OGFOD1: variants seen among roughly 807,000 people sequenced by gnomAD.
The protein encoded by OGFOD1 is prolyl 3-hydroxylase OGFOD1.
A neutral mutation model predicts 67.7 loss-of-function variants in OGFOD1; 54 were observed. The ratio of observed to expected loss-of-function variants is 0.80; its 90% CI spans 0.64 to 1.00. The LOEUF (loss-of-function observed/expected upper bound fraction) is 1.00, where lower values mean the gene tolerates loss of function less well. OGFOD1 is among the 50% of genes least tolerant of loss of function. The probability of loss-of-function intolerance (pLI) is 0.00; values close to 1 mark genes in which losing one functional copy is unlikely to be tolerated. For synonymous variants in OGFOD1, 221 were observed against 227.0 expected, an observed-to-expected ratio of 0.97 and a Z score of 0.24; for missense variants, 606 against 646.7, an observed-to-expected ratio of 0.94 and a Z score of 0.68.
In OGFOD1 at chr16:56,478,683, C is replaced by T. The variant is rs970113197; in HGVS notation, c.*2478C>T. The T allele has an allele frequency of 3.3e-5, 5 of 152,206 alleles. No homozygotes were observed. The highest frequency in any genetic ancestry group is 1.2e-4 in the African/African-American group (5 of 41,462). The allele number at this position is 152,206 out of a possible 1,614,324, so 9.4% of individuals were successfully genotyped here. A position where few individuals can be genotyped will look rare whatever the true frequency, so the allele number is the denominator to read the frequency against. On this transcript the variant is annotated 3_prime_UTR_variant, in exon 13 of 13. Coordinates refer to ENST00000566157, the MANE Select transcript of OGFOD1 (RefSeq NM_018233.4). ...ATTTTCCAATTCTGGAAAGCCAAAT[C>T]TGAATCTTAGAATACCTCACAAGTG...
intron 2 of OGFOD1, 28 bp from the exon 3 acceptor site, chr16:56,458,520 C>CT (rs771823733): frequency 5.0e-5 from 80 of 1,601,806 alleles, no homozygotes; most frequent in Non-Finnish European, 5.9e-5. Context: ...AAGGAAATCC[C>CT]TTTTTTTTCT....
chr16:56,457,497 A>G (rs534796369), intron 2 of OGFOD1, among the ~76,000 whole-genome samples: 1 of 152,346 alleles, frequency 6.6e-6, no homozygotes, highest in South Asian at 2.1e-4. Context: ...TTGTGAATAT[A>G]CTAAAATCCA....
chr16:56,458,283 G>T, intron 2 of OGFOD1: 2 of 434,300 alleles, frequency 4.6e-6, no homozygotes, highest in Non-Finnish European at 4.2e-6. Context: ...TTTTGTGTCT[G>T]TTGTCTATCT....
chr16:56,468,311 C>T (rs1962989087), intron 8 of OGFOD1, among the ~76,000 whole-genome samples: 1 of 152,154 alleles, frequency 6.6e-6, no homozygotes, highest in South Asian at 2.1e-4. Flanking sequence ...CCTTTCTATT[C>T]ATCTAACAAA....
chr16:56,467,728 A>G (rs1962966049), intron 7 of OGFOD1, among the ~76,000 whole-genome samples, 177 bp from the exon 8 acceptor site: 1 of 152,052 alleles, frequency 6.6e-6, no homozygotes, highest in Non-Finnish European at 1.5e-5. Flanking sequence ...CACCCGGCCT[A>G]CACTTTTCTT....
intron 10 of OGFOD1, among the ~76,000 whole-genome samples, chr16:56,472,659 T>C (rs1393142130): frequency 1.3e-5 from 2 of 152,124 alleles, no homozygotes; most frequent in African/African-American, 4.8e-5. Flanking sequence ...AAAATAATAA[T>C]CTACAAGTGG....
intron 2 of OGFOD1, among the ~76,000 whole-genome samples, chr16:56,457,688 G>GT (rs1208682430): frequency 2.0e-4 from 29 of 147,210 alleles, no homozygotes; most frequent in South Asian, 8.7e-4. Flanking sequence ...CACCTATTAG[G>GT]TTTTTTTTTT....
chr16:56,475,659 T>G (rs1963437003), intron 12 of OGFOD1, 94 bp downstream of exon 12: 1 of 973,332 alleles, frequency 1.0e-6, no homozygotes, highest in Non-Finnish European at 1.6e-6. Context: ...TACCAGTGTC[T>G]TTAGCTAATA....
At chr16:56,462,198 A>G (rs1277785012) in intron 3 of OGFOD1, among the ~76,000 whole-genome samples, 1 of 152,210 alleles carries the variant, frequency 6.6e-6, no homozygotes, top group Admixed American at 6.5e-5. Flanking sequence ...CACTGGTGTG[A>G]TGAGTTGTTA....
rs1962598729 is a variant in OGFOD1, at chr16:56,458,431, T to G, written c.301-117T>G. The G allele has an allele frequency of 3.3e-6, 3 of 901,498 alleles. No individual in the cohort carries two copies. The East Asian group carries it at 7.4e-5, about 22-fold the overall frequency. 55.8% of individuals were successfully genotyped at this position (901,498 alleles called of 1,614,324 possible). On this transcript the variant is annotated intron_variant, in intron 2 of 12. Coordinates refer to ENST00000566157, the MANE Select transcript of OGFOD1 (RefSeq NM_018233.4). ...CTGTGTTAAACCTAAGCAGCCTGGC[T>G]TCAGAGTCTGGGCTCTTAATGACAA...
intron 10 of OGFOD1, among the ~76,000 whole-genome samples, chr16:56,473,746 T>C (rs1336909811): frequency 6.6e-6 from 1 of 152,216 alleles, no homozygotes; most frequent in African/African-American, 2.4e-5. Flanking sequence ...TCAGTGTATT[T>C]TTCCTTTGGG....
rs1962336762 is a variant in OGFOD1, at chr16:56,451,643, C to T, written c.31C>T (p.Pro11Ser). Residue 11 changes from proline to serine, a missense_variant, in exon 1 of 13, where the codon CCA becomes TCA. Physicochemically the swap from Pro to Ser is moderately conservative, Grantham distance 74. Transcript: ENST00000566157. The part of the protein sequence containing the change: MNGKRPAEPG[P>S]ARVGKKGKKE... ...TGGGAAGCGGCCAGCGGAGCCCGGCCCAGCCCGGGTGGGAAAAAAGGGAAA... is the reference window on the plus strand; with the variant it reads ...TGGGAAGCGGCCAGCGGAGCCCGGCTCAGCCCGGGTGGGAAAAAAGGGAAA... 2 of 1,613,784 alleles carry T rather than the reference C, an allele frequency of 1.2e-6. No individual in the cohort carries two copies. The highest frequency in any genetic ancestry group is 1.7e-6 in the Non-Finnish European group (2 of 1,179,996).
chr16:56,466,073 G>T lies in OGFOD1; in HGVS notation c.449-79G>T, dbSNP rs895933855. 6 of 953,462 alleles carry T rather than the reference G, an allele frequency of 6.3e-6. No homozygotes were observed. In the East Asian group the frequency reaches 1.5e-4, roughly 23 times the overall value. 59.1% of individuals were successfully genotyped at this position (953,462 alleles called of 1,614,324 possible). On this transcript the variant is annotated intron_variant, in intron 4 of 12. Transcript: ENST00000566157. The stretch of plus-strand genomic sequence containing the variant: ...CTGACATTACAGTTGAATGTCAAAC[G>T]GACTGATATTAAATGCAGAGTCAGG...
At chr16:56,470,369 C>A in intron 9 of OGFOD1, 118 bp from the exon 10 acceptor site, 1 of 944,594 alleles carries the variant, frequency 1.1e-6, no homozygotes, top group Non-Finnish European at 1.6e-6. Flanking sequence ...TAACTTGTGC[C>A]TTAGTAAGCT....
chr16:56,468,629 G>A (rs938181860), intron 8 of OGFOD1, among the ~76,000 whole-genome samples: 1 of 151,854 alleles, frequency 6.6e-6, no homozygotes, highest in East Asian at 1.9e-4. Flanking sequence ...AGGAGGCTGA[G>A]ACAGGAGAAT....
rs780028160 is a variant in OGFOD1 at position 56,453,337 on chromosome 16, G to T, written c.229G>T (p.Glu77Ter). 1.2e-6 allele frequency: 2 copies of T among 1,614,118 alleles called. No homozygotes were observed. The highest frequency in any genetic ancestry group is 2.2e-5 in the South Asian group (2 of 91,086). Reference sequence around the variant, plus strand: ...CTTCATCCAAAGCCAAGACTTCTTAGAAGGGCTTCAGAAGGAACTGATGAA... The same window carrying T: ...CTTCATCCAAAGCCAAGACTTCTTATAAGGGCTTCAGAAGGAACTGATGAA... The part of the protein sequence containing the change: ...PNFIQSQDFL[E>*]GLQKELMNLD... Residue 77 changes from glutamate (E) to a stop codon, truncating the protein, a stop_gained, in exon 2 of 13, where the codon GAA becomes TAA. Transcript: ENST00000566157. LOFTEE classifies it high-confidence loss of function.
chr16:56,475,044 T>G, intron 11 of OGFOD1, 94 bp downstream of exon 11: 1 of 1,348,796 alleles, frequency 7.4e-7, no homozygotes, highest in Non-Finnish European at 1.0e-6. Flanking sequence ...TCATAAGTAA[T>G]TTGCCTAGTT....
chr16:56,454,184 C>A (rs1419242321), intron 2 of OGFOD1, among the ~76,000 whole-genome samples: 1 of 152,086 alleles, frequency 6.6e-6, no homozygotes, highest in Non-Finnish European at 1.5e-5. Flanking sequence ...CCCGTCTCTA[C>A]TAAAAATATA....
At chr16:56,460,073 G>A (rs1270853014) in intron 3 of OGFOD1, among the ~76,000 whole-genome samples, 2 of 152,142 alleles carry the variant, frequency 1.3e-5, no homozygotes, top group Non-Finnish European at 2.9e-5. Context: ...AGTATTGCTT[G>A]TGTGTTAATT....
Sources: gnomAD v4.1 joint callset for allele counts (sites outside exome capture counted in the v4.1 genomes callset) on GRCh38, gnomAD v4.1.1 for gene constraint, MANE v1.5 for transcripts, NCBI Gene and HGNC (gene_info 2026-07-23, HGNC 2026-07-21) for gene names.